The following DSCAML1 variants were observed in gnomAD, a reference collection of about 807,000 sequenced individuals.
DSCAML1 encodes the protein cell adhesion molecule DSCAML1.
DSCAML1 carries 38 observed loss-of-function variants against 200.5 expected under a neutral mutation model. The observed-to-expected ratio is 0.19, with a 90% confidence interval of 0.15 to 0.25. The LOEUF is 0.25. Among genes scored for constraint, DSCAML1 ranks in the 10% least tolerant of loss-of-function variants. The pLI is 1.00. For missense variants in DSCAML1, 2,223 were observed against 2,858.8 expected (o/e 0.78, Z 5.07); for synonymous variants, 1,215 against 1,165.0 (o/e 1.04, Z -0.87).
chr11:117,508,864 T>C (rs1322511025), intron 8 of DSCAML1, among the ~76,000 whole-genome samples: 2 of 152,080 alleles, frequency 1.3e-5, no homozygotes, highest in Non-Finnish European at 2.9e-5. Flanking sequence ...AGCCAGTGGA[T>C]AGAGACATAG....
At chr11:117,749,786 A>T (rs1022372752) in intron 3 of DSCAML1, among the ~76,000 whole-genome samples, 3 of 152,218 alleles carry the variant, frequency 2.0e-5, no homozygotes, top group Non-Finnish European at 4.4e-5. Flanking sequence ...CACGCATGAG[A>T]TCCAAAGCAC....
intron 3 of DSCAML1, among the ~76,000 whole-genome samples, chr11:117,735,160 C>G (rs1401451982): frequency 6.6e-6 from 1 of 152,160 alleles, no homozygotes; most frequent in Non-Finnish European, 1.5e-5. Flanking sequence ...TTCCCAAAAG[C>G]TCACAGCTGG....
Position 117,518,832 on chromosome 11 carries a change from C to T in DSCAML1, c.1214-70G>A. ...GAGACGGTCCCCCCAGCCACCCCAC[C>T]TCAGCAGGGGAGGAGGCAAAAAGCA... is the stretch of plus-strand genomic sequence containing the variant. On this transcript the variant is annotated intron_variant, in intron 6 of 32. Transcript: ENST00000651296. This position sits in a 1 kb window ranked among gnomAD's most constrained non-coding sequence, Gnocchi z 6.3. 3 of 1,508,862 alleles carry T rather than the reference C, an allele frequency of 2.0e-6. No individual in the cohort carries two copies. The highest frequency in any genetic ancestry group is 2.6e-6 in the Non-Finnish European group (3 of 1,133,832). 93.5% of individuals were successfully genotyped at this position (1,508,862 alleles called of 1,614,324 possible).
At chr11:117,496,729 G>A (rs1418232777) in intron 11 of DSCAML1, among the ~76,000 whole-genome samples, 2 of 152,178 alleles carry the variant, frequency 1.3e-5, no homozygotes, top group Non-Finnish European at 2.9e-5. Context: ...TAAGAAGGAG[G>A]TAAGAGCCCA....
chr11:117,594,924 T>C (rs1236746158), intron 3 of DSCAML1, among the ~76,000 whole-genome samples: 3 of 152,232 alleles, frequency 2.0e-5, no homozygotes, highest in Non-Finnish European at 4.4e-5. Flanking sequence ...TCATTCCTCA[T>C]TGTTACCTCT....
intron 3 of DSCAML1, among the ~76,000 whole-genome samples, chr11:117,613,529 A>G (rs564720175): frequency 2.0e-5 from 3 of 152,170 alleles, no homozygotes; most frequent in Admixed American, 6.5e-5. Context: ...TCTACCGAGA[A>G]CAAGAAATCA....
intron 11 of DSCAML1, among the ~76,000 whole-genome samples, chr11:117,496,571 A>C (rs755927027): frequency 7.2e-5 from 11 of 152,112 alleles, no homozygotes; most frequent in Non-Finnish European, 8.8e-5. Context: ...GGATACACAC[A>C]ATTTTGTGAT....
At chr11:117,751,794 C>A (rs2054610076) in intron 3 of DSCAML1, among the ~76,000 whole-genome samples, 1 of 152,090 alleles carries the variant, frequency 6.6e-6, no homozygotes, top group Non-Finnish European at 1.5e-5. Flanking sequence ...AGATATTGAC[C>A]CAGGGCCTTG....
Position 117,504,475 on chromosome 11 carries a change from G to A in DSCAML1, c.2182+449C>T, listed in dbSNP as rs1324300529. Among the ~76,000 whole-genome samples the A allele has an allele frequency of 6.6e-6, 1 of 152,176 alleles. No individual in the cohort carries two copies. Among genetic ancestry groups the A allele is most frequent in the East Asian group, 1.9e-4 (1 of 5,178 alleles). On this transcript the variant is annotated intron_variant, in intron 10 of 32. Coordinates refer to ENST00000651296, the MANE Select transcript of DSCAML1 (RefSeq NM_020693.4). The surrounding 1 kb of genome is among the most constrained non-coding windows in gnomAD (Gnocchi z 5.0). ...CCTGTCCCTCCATTCCCCAGTGTCA[G>A]TCACGAATACAGTCTAGGATTGGGC...
chr11:117,531,334 G>A (rs777676256), intron 4 of DSCAML1, among the ~76,000 whole-genome samples: 2 of 151,954 alleles, frequency 1.3e-5, no homozygotes, highest in African/African-American at 4.8e-5. Flanking sequence ...TGGTTTTCTC[G>A]CCTGTAAAAA....
intron 8 of DSCAML1, among the ~76,000 whole-genome samples, chr11:117,512,479 T>G (rs1435012063): frequency 6.6e-6 from 1 of 152,204 alleles, no homozygotes; most frequent in Non-Finnish European, 1.5e-5. Context: ...TGAGGGGGCC[T>G]GAGCTTTTGG....
intron 1 of DSCAML1, among the ~76,000 whole-genome samples, chr11:117,807,072 C>T (rs531396641): frequency 6.6e-6 from 1 of 152,318 alleles, no homozygotes; most frequent in South Asian, 2.1e-4. Flanking sequence ...CCGGGGCACC[C>T]GCTTCCCCCA....
intron 3 of DSCAML1, among the ~76,000 whole-genome samples, chr11:117,633,106 T>C (rs1310247512): frequency 6.6e-6 from 1 of 152,192 alleles, no homozygotes; most frequent in African/African-American, 2.4e-5. Context: ...GCCAGGTCTC[T>C]TTCTCTGTCA....
intron 3 of DSCAML1, among the ~76,000 whole-genome samples, chr11:117,696,435 T>C (rs1449657924): frequency 6.6e-6 from 1 of 152,198 alleles, no homozygotes; most frequent in African/African-American, 2.4e-5. Flanking sequence ...CCTCTCAGGG[T>C]AGAAATCATA....
chr11:117,615,207 G>A (rs1295864257), intron 3 of DSCAML1, among the ~76,000 whole-genome samples: 2 of 152,270 alleles, frequency 1.3e-5, no homozygotes, highest in South Asian at 4.2e-4. Flanking sequence ...TGGCTGCTGC[G>A]AAGGTGAAAT....
At position 117,696,831 on chromosome 11, in the gene DSCAML1, CA is replaced by C. The variant is rs1204427320; in HGVS notation, c.511+79959del. On this transcript the variant is annotated intron_variant, in intron 3 of 32. Transcript: ENST00000651296. ...TGCTCACTATTCAGCTCACTTCCAA[CA>C]TGTTCAATCCCTGCCCAACACCTTG... 1.8e-4 allele frequency among the ~76,000 whole-genome samples: 28 copies of C among 152,350 alleles called. No individual in the cohort carries two copies. In the East Asian group the frequency reaches 5.4e-3, roughly 29 times the overall value.
intron 3 of DSCAML1, among the ~76,000 whole-genome samples, chr11:117,585,343 G>A (rs916535001): frequency 1.3e-5 from 2 of 151,812 alleles, no homozygotes; most frequent in East Asian, 1.9e-4. Context: ...CCAGCCTCCC[G>A]GGTTCAAGCA....
chr11:117,552,764 C>T lies in DSCAML1; in HGVS notation c.512-20242G>A, dbSNP rs574862195. On this transcript the variant is annotated intron_variant, in intron 3 of 32. Transcript: ENST00000651296. ...CTGGAGGCAACAAGGCTGGAAGTGGCGGGCCAGGGCTTGCACCTTTAGTGT... is the reference window on the plus strand; with the variant it reads ...CTGGAGGCAACAAGGCTGGAAGTGGTGGGCCAGGGCTTGCACCTTTAGTGT... 5.9e-5 allele frequency among the ~76,000 whole-genome samples: 9 copies of T among 152,258 alleles called. No homozygotes were observed. In the East Asian group the frequency reaches 7.7e-4, roughly 13 times the overall value.
intron 32 of DSCAML1, among the ~76,000 whole-genome samples, chr11:117,429,149 C>T (rs1370085064): frequency 1.3e-5 from 2 of 152,174 alleles, no homozygotes; most frequent in African/African-American, 4.8e-5. Flanking sequence ...GGTCAGCTTC[C>T]GGTAGTGGAG....
Sources: gnomAD v4.1 joint callset for allele counts (sites outside exome capture counted in the v4.1 genomes callset) on GRCh38, gnomAD v4.1.1 for gene constraint, Gnocchi (gnomAD v3.1) non-coding constraint, MANE v1.5 for transcripts, NCBI Gene and HGNC (gene_info 2026-07-23, HGNC 2026-07-21) for gene names.